The following KIFAP3 variants were observed in gnomAD, a reference collection of about 807,000 sequenced individuals.
KIFAP3 encodes kinesin associated protein 3.
In KIFAP3, 68 loss-of-function variants were observed where a neutral mutation model predicts 106.5. The observed-to-expected ratio is 0.64, with a 90% CI of 0.53 to 0.78. The LOEUF is 0.78. Among genes scored for constraint, KIFAP3 ranks in the 30% least tolerant of loss-of-function variants. The pLI, the probability that KIFAP3 is intolerant of heterozygous loss-of-function variation, is 0.00. For missense variants in KIFAP3, 780 were observed against 941.8 expected, an observed-to-expected ratio of 0.83 and a Z score of 2.25; for synonymous variants, 320 against 311.5, an observed-to-expected ratio of 1.03 and a Z score of -0.29.
At chr1:169,923,991 C>T (rs77584355) in intron 19 of KIFAP3, among the ~76,000 whole-genome samples, 20 of 151,588 alleles carry the variant, frequency 1.3e-4, no homozygotes, top group African/African-American at 1.5e-4. Flanking sequence ...AATTCTCCCC[C>T]TTTTTTTTAT....
intron 2 of KIFAP3, among the ~76,000 whole-genome samples, chr1:170,052,229 A>T (rs1395632879): frequency 6.6e-6 from 1 of 152,194 alleles, no homozygotes; most frequent in African/African-American, 2.4e-5. Flanking sequence ...TAAACCAGAA[A>T]ATCTATAAGA....
chr1:169,976,144 T>C (rs571311279), intron 16 of KIFAP3, among the ~76,000 whole-genome samples: 1 of 152,268 alleles, frequency 6.6e-6, no homozygotes, highest in South Asian at 2.1e-4. Context: ...ACCTGGTAGG[T>C]ACTTTAAATA....
rs566673340 is a variant in KIFAP3, at chr1:170,027,080, C to T, written c.842-2484G>A. 8.8e-5 allele frequency among the ~76,000 whole-genome samples: 12 copies of T among 137,048 alleles called. No individual in the cohort carries two copies. In the South Asian group the frequency reaches 9.0e-4, roughly 10 times the overall value. The allele number at this position is 137,048 out of a possible 152,430, so 89.9% of individuals were successfully genotyped here. On this transcript the variant is annotated intron_variant, in intron 8 of 19. Transcript: ENST00000361580. ...TTGTTGCCCAGGCTGGAATGCAATG[C>T]GTGACCTTGGCTCACTGCAACCTCC...
At chr1:170,019,005 C>A (rs1401036256) in intron 9 of KIFAP3, among the ~76,000 whole-genome samples, 1 of 151,956 alleles carries the variant, frequency 6.6e-6, no homozygotes, top group Non-Finnish European at 1.5e-5. Flanking sequence ...AAAAAAATGA[C>A]CAATATCAGA....
chr1:170,051,897 G>T (rs1260319128), intron 2 of KIFAP3, among the ~76,000 whole-genome samples: 2 of 152,150 alleles, frequency 1.3e-5, no homozygotes, highest in African/African-American at 2.4e-5. Flanking sequence ...AAGGTGGAAA[G>T]ATCTGAAACT....
intron 10 of KIFAP3, among the ~76,000 whole-genome samples, chr1:169,995,371 G>A (rs144174201): frequency 1.7e-3 from 266 of 152,036 alleles, no homozygotes; most frequent in Middle Eastern, 6.8e-3. Context: ...TTCAAACAGA[G>A]TTTTAAAGCA....
chr1:170,018,835 C>T (rs1668660225), intron 9 of KIFAP3, among the ~76,000 whole-genome samples: 1 of 151,808 alleles, frequency 6.6e-6, no homozygotes, highest in Admixed American at 6.6e-5. Flanking sequence ...CTGATTTTTC[C>T]TTCAGACTTC....
chr1:170,052,427 G>T (rs550685975), intron 2 of KIFAP3, among the ~76,000 whole-genome samples: 1 of 152,272 alleles, frequency 6.6e-6, no homozygotes, highest in African/African-American at 2.4e-5. Flanking sequence ...AGAGGAGTGG[G>T]TACCATTATT....
chr1:170,074,779 A>G (rs572669116), upstream of KIFAP3: 80 of 1,223,404 alleles, frequency 6.5e-5, no homozygotes, highest in South Asian at 1.6e-3. Flanking sequence ...TCAGAGTTTG[A>G]CGCACCGGGG....
At chr1:169,943,675 T>C (rs1664261430) in intron 19 of KIFAP3, among the ~76,000 whole-genome samples, 2 of 152,226 alleles carry the variant, frequency 1.3e-5, no homozygotes, top group African/African-American at 2.4e-5. Flanking sequence ...AGGTCAAATA[T>C]GTCATAAGAA....
intron 3 of KIFAP3, among the ~76,000 whole-genome samples, chr1:170,044,746 G>A (rs1670156398): frequency 1.3e-5 from 2 of 152,166 alleles, no homozygotes; most frequent in African/African-American, 4.8e-5. Flanking sequence ...GAAACTGTGT[G>A]AGAAGCTGCA....
intron 10 of KIFAP3, among the ~76,000 whole-genome samples, chr1:170,008,098 C>T (rs1187461517): frequency 1.3e-5 from 2 of 151,658 alleles, no homozygotes; most frequent in Non-Finnish European, 2.9e-5. Flanking sequence ...CCCTTCCTTA[C>T]ACCTTATACA....
At chr1:169,985,095 C>T (rs1286642455) in intron 11 of KIFAP3, among the ~76,000 whole-genome samples, 1 of 151,706 alleles carries the variant, frequency 6.6e-6, no homozygotes, top group East Asian at 1.9e-4. Flanking sequence ...GAAAGGGAAA[C>T]AACAGTTTTA....
At chr1:169,933,189 T>C (rs1663590456) in intron 19 of KIFAP3, among the ~76,000 whole-genome samples, 1 of 152,066 alleles carries the variant, frequency 6.6e-6, no homozygotes, top group Non-Finnish European at 1.5e-5. Flanking sequence ...TTTGTATGGA[T>C]ATTTCAAAAG....
intron 17 of KIFAP3, among the ~76,000 whole-genome samples, chr1:169,964,251 G>A (rs1665487279): frequency 6.6e-6 from 1 of 151,932 alleles, no homozygotes; most frequent in Admixed American, 6.6e-5. Flanking sequence ...TTAAAGTAAC[G>A]GCTCTCTGAC....
In KIFAP3 at chr1:169,984,647, A is replaced by G; in HGVS notation, c.1328T>C (p.Leu443Ser). The change falls in exon 12 of 20, where the codon TTG (leucine) becomes TCG (serine). Residue 443 changes from leucine to serine, a missense_variant. Around this residue, in one of 3 missense-constraint regions of KIFAP3, gnomAD observed 588 missense variants for 678.9 expected, o/e 0.87. Transcript: ENST00000361580. ...LFECSDERID[L>S]ELISFCINLA... ...ATTAATGCAGAAAGAAATGAGTTCC[A>G]AGTCAATTCGTTCATCTGAACATTC... 1 of 1,609,258 alleles carries G rather than the reference A, an allele frequency of 6.2e-7. No homozygotes were observed. The highest frequency in any genetic ancestry group is 8.5e-7 in the Non-Finnish European group (1 of 1,176,638).
chr1:170,079,177 A>G (rs79922572), upstream of KIFAP3, among the ~76,000 whole-genome samples: 2,402 of 152,198 alleles, frequency 0.016, 47 homozygotes, highest in South Asian at 0.079. Flanking sequence ...TTCTTGCTCT[A>G]TTAGTTCCTG....
At chr1:169,954,746 AT>A (rs1483035148) in intron 18 of KIFAP3, among the ~76,000 whole-genome samples, 1 of 152,212 alleles carries the variant, frequency 6.6e-6, no homozygotes, top group Non-Finnish European at 1.5e-5. Context: ...ATTATTCAAT[AT>A]TCATTATAAA....
chr1:169,925,489 AGT>A (rs1663086835), intron 19 of KIFAP3, among the ~76,000 whole-genome samples: 1 of 151,944 alleles, frequency 6.6e-6, no homozygotes, highest in Non-Finnish European at 1.5e-5. Flanking sequence ...CCATATCTAG[AGT>A]GTGTTTTTTT....
Sources: allele counts gnomAD v4.1 joint callset (sites outside exome capture counted in the v4.1 genomes callset), GRCh38; gene constraint gnomAD v4.1.1; regional missense constraint gnomAD v4.1.1; transcripts MANE v1.5; gene names NCBI Gene and HGNC (gene_info 2026-07-23, HGNC 2026-07-21).